The following RAB10 variants were observed in gnomAD, a reference collection of about 807,000 sequenced individuals.
The protein encoded by RAB10 is ras-related protein Rab-10.
In RAB10, 5 loss-of-function variants were observed where a neutral mutation model predicts 25.7. The ratio of observed to expected loss-of-function variants is 0.19; its 90% CI spans 0.10 to 0.41. The LOEUF (loss-of-function observed/expected upper bound fraction) is 0.41, where lower values mean the gene tolerates loss of function less well. Ranked by LOEUF, RAB10 falls within the 10% of genes least tolerant of loss-of-function variation. The probability of loss-of-function intolerance (pLI) is 1.00; values close to 1 mark genes in which losing one functional copy is unlikely to be tolerated. For synonymous variants in RAB10, 89 were observed against 86.4 expected, an observed-to-expected ratio of 1.03 and a Z score of -0.16; for missense variants, 103 against 245.8, an observed-to-expected ratio of 0.42 and a Z score of 3.89.
chr2:26,063,072 A>G (rs1666442336), intron 1 of RAB10, among the ~76,000 whole-genome samples: 1 of 150,112 alleles, frequency 6.7e-6, no homozygotes. Flanking sequence ...CCGACATCAC[A>G]CCATTGCACT....
chr2:26,118,193 G>A (rs1296561125), intron 3 of RAB10, among the ~76,000 whole-genome samples: 5 of 152,116 alleles, frequency 3.3e-5, no homozygotes, highest in African/African-American at 9.6e-5. Flanking sequence ...GGCCAGTCTC[G>A]AACTCCTGAC....
chr2:26,033,657 A>T (rs968926638), upstream of RAB10, among the ~76,000 whole-genome samples: 1 of 152,196 alleles, frequency 6.6e-6, no homozygotes, highest in South Asian at 2.1e-4. Flanking sequence ...TCGCTGCGCC[A>T]AGACCTCCAG....
At chr2:26,133,129 G>GAGTT (rs1483753750) in intron 5 of RAB10, among the ~76,000 whole-genome samples, 4 of 152,108 alleles carry the variant, frequency 2.6e-5, no homozygotes, top group African/African-American at 9.7e-5. Context: ...ACTTCAGTAT[G>GAGTT]AGTTAACTAG....
chr2:26,038,889 C>T (rs1445196704), intron 1 of RAB10, among the ~76,000 whole-genome samples: 4 of 139,934 alleles, frequency 2.9e-5, no homozygotes, highest in Non-Finnish European at 6.0e-5. Flanking sequence ...CGCACTACTG[C>T]ACTTCAGCCT....
Position 26,034,921 on chromosome 2 carries a change from G to A in RAB10, c.127+186G>A, listed in dbSNP as rs115646556. On this transcript the variant is annotated intron_variant, in intron 1 of 5. Transcript: ENST00000264710. ...CGGGGTCTTCCCATGATTTCCATCC[G>A]GTCTTTTGCTTTCGAGTCTCCCACT... Among the ~76,000 whole-genome samples, 336 of 152,210 alleles carry A rather than the reference G, an allele frequency of 2.2e-3. 1 individual carries two copies. The highest frequency in any genetic ancestry group is 7.7e-3 in the African/African-American group (319 of 41,532).
intron 5 of RAB10, among the ~76,000 whole-genome samples, chr2:26,134,628 T>A (rs566091571): frequency 1.3e-5 from 2 of 152,352 alleles, no homozygotes; most frequent in East Asian, 3.9e-4. Context: ...TTTTAAGTAC[T>A]AAACATATTC....
chr2:26,104,131 A>G (rs1039344625), intron 2 of RAB10, among the ~76,000 whole-genome samples: 8 of 152,198 alleles, frequency 5.3e-5, no homozygotes, highest in Non-Finnish European at 1.2e-4. Context: ...TGGTACCTCC[A>G]TGTTGAACAT....
chr2:26,130,098 T>C (rs1162426286), intron 5 of RAB10, among the ~76,000 whole-genome samples: 11 of 152,202 alleles, frequency 7.2e-5, no homozygotes, highest in Non-Finnish European at 1.5e-5. Context: ...TTACCGACTA[T>C]AGGCAGTTTA....
chr2:26,082,513 A>T (rs1356276748), intron 1 of RAB10, among the ~76,000 whole-genome samples: 1 of 152,156 alleles, frequency 6.6e-6, no homozygotes, highest in Non-Finnish European at 1.5e-5. Context: ...AACTGACAGA[A>T]TTGGAAGGAG....
At chr2:26,124,417 T>TTTTTTTTTTTA (rs1667867053) in intron 3 of RAB10, among the ~76,000 whole-genome samples, 2 of 119,560 alleles carry the variant, frequency 1.7e-5, no homozygotes, top group African/African-American at 3.2e-5. Flanking sequence ...TTTTTTTTTT[T>TTTTTTTTTTTA]GAGACAGGTT....
chr2:26,068,372 C>G (rs1666555359), intron 1 of RAB10, among the ~76,000 whole-genome samples: 1 of 152,030 alleles, frequency 6.6e-6, no homozygotes, highest in South Asian at 2.1e-4. Context: ...TGGTTAGATT[C>G]AATTTTTAAA....
chr2:26,092,028 C>T (rs1389978276), intron 1 of RAB10, among the ~76,000 whole-genome samples: 1 of 151,856 alleles, frequency 6.6e-6, no homozygotes, highest in African/African-American at 2.4e-5. Context: ...AGAAGTTAGC[C>T]ATGTGTGGTG....
chr2:26,067,369 A>G (rs895967903), intron 1 of RAB10, among the ~76,000 whole-genome samples: 21 of 152,206 alleles, frequency 1.4e-4, no homozygotes, highest in African/African-American at 4.6e-4. Flanking sequence ...CATTGTAGCA[A>G]AAGGGGTTTA....
intron 1 of RAB10, among the ~76,000 whole-genome samples, chr2:26,052,190 C>T (rs1666153294): frequency 6.6e-6 from 1 of 151,928 alleles, no homozygotes; most frequent in South Asian, 2.1e-4. Flanking sequence ...TCAGCCTAGG[C>T]AACATAGGGA....
chr2:26,075,645 C>A (rs1666717248), intron 1 of RAB10, among the ~76,000 whole-genome samples: 1 of 152,150 alleles, frequency 6.6e-6, no homozygotes, highest in South Asian at 2.1e-4. Flanking sequence ...TATGTTTCTT[C>A]TAATACAGAA....
At chr2:26,122,444 C>T (rs1239653348) in intron 3 of RAB10, among the ~76,000 whole-genome samples, 3 of 152,008 alleles carry the variant, frequency 2.0e-5, no homozygotes, top group African/African-American at 4.8e-5. Context: ...CTGGCTAACA[C>T]GTTGAAACCC....
In RAB10 at chr2:26,041,355, A is replaced by G. The variant is rs552249105; in HGVS notation, c.127+6620A>G. ...CAGGAGTTTGAGACCAGCCTGGCCA[A>G]CATGGTGAAACCCCGTCTCTACTAA... On this transcript the variant is annotated intron_variant, in intron 1 of 5. Coordinates refer to ENST00000264710, the MANE Select transcript of RAB10 (RefSeq NM_016131.5). 5.4e-4 allele frequency among the ~76,000 whole-genome samples: 82 copies of G among 151,832 alleles called. 1 individual carries two copies. In the South Asian group the frequency reaches 0.017, roughly 32 times the overall value.
At chr2:26,069,197 T>TG (rs1666575512) in intron 1 of RAB10, among the ~76,000 whole-genome samples, 2 of 152,324 alleles carry the variant, frequency 1.3e-5, no homozygotes, top group South Asian at 4.1e-4. Flanking sequence ...TTGAGGCTAA[T>TG]GGTCCCATCA....
At position 26,116,545 on chromosome 2, in the gene RAB10, T is replaced by C. The variant is rs886621274; in HGVS notation, c.327+6639T>C. On this transcript the variant is annotated intron_variant, in intron 3 of 5. Transcript: ENST00000264710. ...GTATTTCTTTTCTTTCTTTCTGTCT[T>C]GTGTTTTTTTTTTTTTTTTTTTTTT... is the stretch of plus-strand genomic sequence containing the variant. Among the ~76,000 whole-genome samples, 3 of 113,200 alleles carry C rather than the reference T, an allele frequency of 2.7e-5. No individual in the cohort carries two copies. In the Admixed American group the frequency reaches 3.4e-4, roughly 13 times the overall value. 74.3% of individuals were successfully genotyped at this position (113,200 alleles called of 152,430 possible).
Sources: allele counts gnomAD v4.1 joint callset (sites outside exome capture counted in the v4.1 genomes callset), GRCh38; gene constraint gnomAD v4.1.1; transcripts MANE v1.5; gene names NCBI Gene and HGNC (gene_info 2026-07-23, HGNC 2026-07-21).